GRIP1: variants seen among roughly 807,000 people sequenced by gnomAD.
GRIP1 encodes glutamate receptor interacting protein 1.
A neutral mutation model predicts 129.9 loss-of-function variants in GRIP1; 45 were observed. The observed-to-expected ratio is 0.35, with a 90% confidence interval of 0.27 to 0.44. GRIP1 has a LOEUF of 0.44. Ranked by LOEUF, GRIP1 falls within the 20% of genes least tolerant of loss-of-function variation. The pLI is 1.00. For missense variants in GRIP1, 1,196 were observed against 1,396.8 expected, an observed-to-expected ratio of 0.86 and a Z score of 2.29; for synonymous variants, 530 against 520.8, an observed-to-expected ratio of 1.02 and a Z score of -0.24.
chr12:66,501,524 A>G (rs1378857498), intron 7 of GRIP1, among the ~76,000 whole-genome samples: 1 of 152,194 alleles, frequency 6.6e-6, no homozygotes, highest in Non-Finnish European at 1.5e-5. Context: ...ATTAGTACTT[A>G]ATAGCACTCT....
At chr12:66,755,967 C>T (rs745936022) in intron 1 of GRIP1, among the ~76,000 whole-genome samples, 13 of 152,152 alleles carry the variant, frequency 8.5e-5, no homozygotes, top group Non-Finnish European at 1.9e-4. Flanking sequence ...CAGTAACCAG[C>T]CCTGGAACCA....
At chr12:66,372,711 G>A (rs1212305975) in intron 22 of GRIP1, among the ~76,000 whole-genome samples, 1 of 150,560 alleles carries the variant, frequency 6.6e-6, no homozygotes, top group African/African-American at 2.4e-5. Context: ...TACTTCACAA[G>A]CAATGACAAG....
chr12:67,054,196 A>C (rs913286743), intron 1 of GRIP1, among the ~76,000 whole-genome samples: 3 of 152,252 alleles, frequency 2.0e-5, no homozygotes, highest in African/African-American at 7.2e-5. Context: ...GGAAATCTTA[A>C]AAGTGAATGC....
At chr12:66,616,142 T>C (rs955276684) in intron 1 of GRIP1, among the ~76,000 whole-genome samples, 15 of 152,254 alleles carry the variant, frequency 9.9e-5, no homozygotes, top group African/African-American at 3.4e-4. Flanking sequence ...TCTGAATGGC[T>C]TTAACTAAGG....
At chr12:66,537,399 T>C (rs1265190942) in intron 4 of GRIP1, among the ~76,000 whole-genome samples, 3 of 152,096 alleles carry the variant, frequency 2.0e-5, no homozygotes, top group African/African-American at 7.2e-5. Flanking sequence ...GTCAAGTTCT[T>C]TGTAATGCCA....
At chr12:67,009,461 T>A (rs2042674123) in intron 1 of GRIP1, among the ~76,000 whole-genome samples, 1 of 152,136 alleles carries the variant, frequency 6.6e-6, no homozygotes, top group Non-Finnish European at 1.5e-5. Context: ...CTTTTATCAT[T>A]TAGGAATAAA....
intron 1 of GRIP1, among the ~76,000 whole-genome samples, chr12:67,005,987 C>T (rs1292144650): frequency 6.6e-6 from 1 of 152,156 alleles, no homozygotes; most frequent in Non-Finnish European, 1.5e-5. Context: ...CTCCATTGCC[C>T]TGAACTTCCA....
At chr12:66,571,494 T>C (rs891935190) in intron 2 of GRIP1, among the ~76,000 whole-genome samples, 7 of 152,140 alleles carry the variant, frequency 4.6e-5, no homozygotes, top group African/African-American at 1.7e-4. Context: ...TTTTTTTTCA[T>C]TGCATATTTT....
At chr12:66,409,677 C>T (rs1178452126) in intron 15 of GRIP1, among the ~76,000 whole-genome samples, 2 of 152,160 alleles carry the variant, frequency 1.3e-5, no homozygotes, top group Non-Finnish European at 1.5e-5. Context: ...AAAACACGAC[C>T]TCACCAAGTG....
intron 1 of GRIP1, among the ~76,000 whole-genome samples, chr12:67,056,390 G>A (rs1228500957): frequency 1.3e-5 from 2 of 152,184 alleles, no homozygotes; most frequent in Non-Finnish European, 2.9e-5. Context: ...GGAAGACCAG[G>A]ACTGTCAACC....
chr12:67,004,669 C>G (rs1284219475), intron 1 of GRIP1, among the ~76,000 whole-genome samples: 2 of 152,008 alleles, frequency 1.3e-5, no homozygotes, highest in African/African-American at 4.8e-5. Context: ...AAAAAATAAC[C>G]TTATTGGGAC....
At chr12:66,743,295 A>C (rs995611819) in intron 1 of GRIP1, among the ~76,000 whole-genome samples, 3 of 152,008 alleles carry the variant, frequency 2.0e-5, no homozygotes, top group Non-Finnish European at 2.9e-5. Context: ...AATGCTGAGA[A>C]CCACTGGGCG....
intron 1 of GRIP1, among the ~76,000 whole-genome samples, chr12:67,012,804 C>G (rs1322592770): frequency 6.6e-6 from 1 of 152,026 alleles, no homozygotes; most frequent in African/African-American, 2.4e-5. Context: ...CTAACATGCC[C>G]CTATATGTTT....
chr12:66,620,399 T>A (rs571738950), intron 1 of GRIP1, among the ~76,000 whole-genome samples: 1 of 152,220 alleles, frequency 6.6e-6, no homozygotes, highest in South Asian at 2.1e-4. Flanking sequence ...AAAAGGACAA[T>A]ATAATTTTCA....
At chr12:66,913,442 A>G (rs1213336911) in intron 1 of GRIP1, among the ~76,000 whole-genome samples, 1 of 152,130 alleles carries the variant, frequency 6.6e-6, no homozygotes, top group Non-Finnish European at 1.5e-5. Context: ...AACAAAAAAA[A>G]CCCTCAGTAA....
At chr12:66,543,760 C>A (rs545292271) in intron 2 of GRIP1, among the ~76,000 whole-genome samples, 1 of 152,226 alleles carries the variant, frequency 6.6e-6, no homozygotes, top group East Asian at 1.9e-4. Context: ...ATTTTGCCAA[C>A]AAAAAGATTC....
In GRIP1 at chr12:66,925,741, T is replaced by G. The variant is rs555394584; in HGVS notation, c.58+143309A>C. 1.1e-3 allele frequency among the ~76,000 whole-genome samples: 170 copies of G among 152,196 alleles called. 2 individuals carry two copies. The highest frequency in any genetic ancestry group is 3.9e-3 in the African/African-American group (162 of 41,532). On this transcript the variant is annotated intron_variant, in intron 1 of 1. Transcript: ENST00000643019. ...CTCACTGCAACCTCCACCTCCCCGGTTCAAGGGATTCTCCTACCTCAGCCT... is the reference window on the plus strand; with the variant it reads ...CTCACTGCAACCTCCACCTCCCCGGGTCAAGGGATTCTCCTACCTCAGCCT...
At chr12:66,522,673 G>A (rs961238400) in intron 5 of GRIP1, among the ~76,000 whole-genome samples, 3 of 152,246 alleles carry the variant, frequency 2.0e-5, no homozygotes, top group African/African-American at 7.2e-5. Flanking sequence ...CAATGGAACA[G>A]AGCTGGATGG....
chr12:66,826,199 C>T (rs112302619), intron 1 of GRIP1, among the ~76,000 whole-genome samples: 7 of 152,000 alleles, frequency 4.6e-5, no homozygotes, highest in African/African-American at 7.2e-5. Flanking sequence ...AACTAATGCA[C>T]GAACAGAAAA....
Sources: allele counts gnomAD v4.1 joint callset (sites outside exome capture counted in the v4.1 genomes callset), GRCh38; gene constraint gnomAD v4.1.1; transcripts MANE v1.5; gene names NCBI Gene and HGNC (gene_info 2026-07-23, HGNC 2026-07-21).